Variants in RASGRF2 observed in about 807,000 individuals in gnomAD.
The protein encoded by RASGRF2 is ras-specific guanine nucleotide-releasing factor 2.
In RASGRF2, 76 loss-of-function variants were observed where a neutral mutation model predicts 151.0. The ratio of observed to expected loss-of-function variants is 0.50; its 90% CI spans 0.42 to 0.61. The LOEUF is 0.61. Ranked by LOEUF, RASGRF2 falls within the 20% of genes least tolerant of loss-of-function variation. The probability of loss-of-function intolerance (pLI) is 0.00; values close to 1 mark genes in which losing one functional copy is unlikely to be tolerated. For missense variants in RASGRF2, 1,148 were observed against 1,564.6 expected (o/e 0.73, Z 4.49); for synonymous variants, 504 against 566.5 (o/e 0.89, Z 1.57).
At chr5:81,176,584 C>G (rs1230388665) in intron 17 of RASGRF2, among the ~76,000 whole-genome samples, 1 of 152,106 alleles carries the variant, frequency 6.6e-6, no homozygotes, top group Non-Finnish European at 1.5e-5. Context: ...GATCATTGCA[C>G]ATGTGGACGG....
At chr5:81,147,426 A>G (rs746649569) in intron 17 of RASGRF2, among the ~76,000 whole-genome samples, 11 of 152,350 alleles carry the variant, frequency 7.2e-5, no homozygotes, top group Middle Eastern at 6.8e-3. Context: ...CTAAATTAAT[A>G]TTTCCAAGAT....
At chr5:81,028,195 A>C (rs1254967602) in intron 1 of RASGRF2, among the ~76,000 whole-genome samples, 4 of 152,056 alleles carry the variant, frequency 2.6e-5, no homozygotes, top group Non-Finnish European at 5.9e-5. Context: ...AAGACATCAG[A>C]AATGCAAACA....
intron 17 of RASGRF2, among the ~76,000 whole-genome samples, chr5:81,131,829 A>G (rs1753629639): frequency 6.6e-6 from 1 of 152,148 alleles, no homozygotes; most frequent in African/African-American, 2.4e-5. Context: ...TTCGGATTTT[A>G]TGCTTTCTGT....
rs542381291 is a variant in RASGRF2, at chr5:81,062,493, C to G, written c.396-5539C>G. Among the ~76,000 whole-genome samples the G allele has an allele frequency of 3.3e-5, 5 of 151,924 alleles. No individual in the cohort carries two copies. In the South Asian group the frequency reaches 1.0e-3, roughly 32 times the overall value. ...TTTCATTGTTTTTTCTTTTCTAATC[C>G]TGAGGTTTTCTTTCATTATTATTTA... is the stretch of plus-strand genomic sequence containing the variant. On this transcript the variant is annotated intron_variant, in intron 2 of 26. Transcript: ENST00000265080.
chr5:81,227,615 G>A lies in RASGRF2; in HGVS notation c.*1845G>A, dbSNP rs894560778. On this transcript the variant is annotated 3_prime_UTR_variant, in exon 27 of 27. Transcript: ENST00000265080. ...TATTTCTCAGTGCTCCAGAAACTGAGGGTTTGAAATAATATGTATCAGTTG... is the reference window on the plus strand; with the variant it reads ...TATTTCTCAGTGCTCCAGAAACTGAAGGTTTGAAATAATATGTATCAGTTG... 2 of 152,208 alleles carry A rather than the reference G, an allele frequency of 1.3e-5. No individual in the cohort carries two copies. The highest frequency in any genetic ancestry group is 2.4e-5 in the African/African-American group (1 of 41,446). 9.4% of individuals were successfully genotyped at this position (152,208 alleles called of 1,614,324 possible). A position where few individuals can be genotyped will look rare whatever the true frequency, so the allele number is the denominator to read the frequency against.
At chr5:81,055,935 T>C (rs1406955975) in intron 2 of RASGRF2, among the ~76,000 whole-genome samples, 1 of 152,240 alleles carries the variant, frequency 6.6e-6, no homozygotes, top group Non-Finnish European at 1.5e-5. Context: ...TTTATAGTAT[T>C]CTCTGGTGGT....
intron 17 of RASGRF2, among the ~76,000 whole-genome samples, chr5:81,159,124 A>T (rs1754324496): frequency 6.6e-6 from 1 of 152,294 alleles, no homozygotes; most frequent in South Asian, 2.1e-4. Flanking sequence ...ATGTATAAGC[A>T]ATCATGCTAT....
At chr5:81,149,047 T>C (rs192318747) in intron 17 of RASGRF2, among the ~76,000 whole-genome samples, 11 of 152,130 alleles carry the variant, frequency 7.2e-5, no homozygotes, top group African/African-American at 2.7e-4. Context: ...TTGGTGGAAA[T>C]GTAAACTAGT....
chr5:80,988,008 C>CGTGTGT (rs58750663), intron 1 of RASGRF2, among the ~76,000 whole-genome samples: 396 of 139,490 alleles, frequency 2.8e-3, no homozygotes, highest in Middle Eastern at 0.011. Context: ...AATAAATGTG[C>CGTGTGT]GTGTGTGTGT....
At position 81,044,993 on chromosome 5, in the gene RASGRF2, C is replaced by T. The variant is rs955219921; in HGVS notation, c.395+2010C>T. Among the ~76,000 whole-genome samples the T allele has an allele frequency of 4.6e-5, 7 of 152,114 alleles. 1 individual carries two copies. Among genetic ancestry groups the T allele is most frequent in the Non-Finnish European group, 1.0e-4 (7 of 68,020 alleles). ...AACTAAGTGCCACTCTCCATGTGGA[C>T]CCCAGGAGAGCTTGCCACGAGTCAT... is the stretch of plus-strand genomic sequence containing the variant. On this transcript the variant is annotated intron_variant, in intron 2 of 26. Transcript: ENST00000265080.
chr5:80,998,321 C>G (rs1748963603), intron 1 of RASGRF2, among the ~76,000 whole-genome samples: 1 of 152,094 alleles, frequency 6.6e-6, no homozygotes, highest in Non-Finnish European at 1.5e-5. Flanking sequence ...TCTGCCCTAC[C>G]TCTTCCTTTC....
chr5:81,215,331 C>T (rs532332700), intron 23 of RASGRF2, among the ~76,000 whole-genome samples: 4 of 141,754 alleles, frequency 2.8e-5, no homozygotes, highest in African/African-American at 1.1e-4. Context: ...CATACAGTGG[C>T]GCAATCTCGG....
At chr5:81,129,225 C>T (rs1216497376) in intron 17 of RASGRF2, among the ~76,000 whole-genome samples, 2 of 152,194 alleles carry the variant, frequency 1.3e-5, no homozygotes, top group Non-Finnish European at 2.9e-5. Context: ...GGGCTCCAAT[C>T]GTCATGATTT....
chr5:80,982,615 ATTT>A (rs1326773495), intron 1 of RASGRF2, among the ~76,000 whole-genome samples: 1 of 142,908 alleles, frequency 7.0e-6, no homozygotes, highest in Non-Finnish European at 1.5e-5. Context: ...TATTATTATT[ATTT>A]GAGACAGAGT....
intron 1 of RASGRF2, among the ~76,000 whole-genome samples, chr5:81,005,599 C>T (rs2112301451): frequency 6.6e-6 from 1 of 152,192 alleles, no homozygotes; most frequent in Middle Eastern, 3.4e-3. Flanking sequence ...AAAAAAAATC[C>T]CATTGTATGG....
intron 2 of RASGRF2, among the ~76,000 whole-genome samples, chr5:81,061,242 GA>G (rs1427261659): frequency 6.6e-6 from 1 of 151,740 alleles, no homozygotes; most frequent in East Asian, 1.9e-4. Flanking sequence ...TTTAATGAAT[GA>G]ACATTTTGTT....
At chr5:81,010,524 T>A (rs1313507204) in intron 1 of RASGRF2, among the ~76,000 whole-genome samples, 1 of 152,136 alleles carries the variant, frequency 6.6e-6, no homozygotes, top group African/African-American at 2.4e-5. Flanking sequence ...TTTTGAAGAT[T>A]TTTGGAGAAG....
chr5:80,970,697 G>A (rs1177675354), intron 1 of RASGRF2, among the ~76,000 whole-genome samples: 2 of 152,086 alleles, frequency 1.3e-5, no homozygotes, highest in South Asian at 2.1e-4. Flanking sequence ...TTCAAATTTG[G>A]GGGCCAGACA....
At chr5:81,207,569 G>C (rs2112725181) in intron 21 of RASGRF2, among the ~76,000 whole-genome samples, 1 of 152,296 alleles carries the variant, frequency 6.6e-6, no homozygotes, top group South Asian at 2.1e-4. Flanking sequence ...CCTGCCCAGG[G>C]ACTTAGTCAA....
Sources: allele counts gnomAD v4.1 joint callset (sites outside exome capture counted in the v4.1 genomes callset), GRCh38; gene constraint gnomAD v4.1.1; transcripts MANE v1.5; gene names NCBI Gene and HGNC (gene_info 2026-07-23, HGNC 2026-07-21).